OR4D1: variants seen among roughly 807,000 people sequenced by gnomAD.
The protein encoded by OR4D1 is olfactory receptor family 4 subfamily D member 1.
OR4D1 carries 10 observed loss-of-function variants against 14.2 expected under a neutral mutation model. That is an observed-to-expected ratio of 0.71 (90% CI 0.44 to 1.20). The LOEUF (loss-of-function observed/expected upper bound fraction) is 1.20, where lower values mean the gene tolerates loss of function less well. Ranked by LOEUF, OR4D1 falls within the 50% of genes most tolerant of loss-of-function variation. The probability of loss-of-function intolerance (pLI) is 0.00; values close to 1 mark genes in which losing one functional copy is unlikely to be tolerated. For missense variants in OR4D1, 345 were observed against 376.6 expected, an observed-to-expected ratio of 0.92 and a Z score of 0.70; for synonymous variants, 141 against 147.4, an observed-to-expected ratio of 0.96 and a Z score of 0.32.
chr17:58,153,613 A>T (rs1967728623), intron 2 of OR4D1, among the ~76,000 whole-genome samples: 1 of 152,090 alleles, frequency 6.6e-6, no homozygotes, highest in Non-Finnish European at 1.5e-5. Flanking sequence ...CTGCTACCCT[A>T]CCCATGTGCC....
chr17:58,155,847 G>A lies in OR4D1; in HGVS notation c.694G>A (p.Ala232Thr), dbSNP rs1396026581. ...GATGCTGAGGTCCCACTCGGGAAAGGCAAGGAGGAAGGCAGCTTCCACCTG... is the reference window on the plus strand; with the variant it reads ...GATGCTGAGGTCCCACTCGGGAAAGACAAGGAGGAAGGCAGCTTCCACCTG... The part of the protein sequence containing the change: ...LVMLRSHSGK[A>T]RRKAASTCTT... The change falls in exon 4 of 4, where the codon GCA becomes ACA. Residue 232 changes from alanine to threonine, a missense_variant. Physicochemically the swap from Ala to Thr is moderately conservative, Grantham distance 58. Transcript: ENST00000268912. 4.3e-6 allele frequency: 7 copies of A among 1,614,170 alleles called. No individual in the cohort carries two copies. The East Asian group carries it at 1.1e-4, about 26-fold the overall frequency.
Position 58,157,501 on chromosome 17 carries a change from C to A in OR4D1, c.*1415C>A, listed in dbSNP as rs768672359. 1 of 1,188,244 alleles carries A rather than the reference C, an allele frequency of 8.4e-7. No individual in the cohort carries two copies. The highest frequency in any genetic ancestry group is 1.3e-6 in the Non-Finnish European group (1 of 794,178). The allele number at this position is 1,188,244 out of a possible 1,614,324, so 73.6% of individuals were successfully genotyped here. A position where few individuals can be genotyped will look rare whatever the true frequency, so the allele number is the denominator to read the frequency against. ...GCAAGTTGCTCCAGAAACAGTACCT[C>A]TCCATTGCAGAGGGTGCGGACTTCT... On this transcript the variant is annotated 3_prime_UTR_variant, in exon 4 of 4. Coordinates refer to ENST00000268912, the MANE Select transcript of OR4D1 (RefSeq NM_001386095.1).
rs1251699939 is a variant in OR4D1, at chr17:58,159,254, C to T, written c.*3168C>T. ...TTAGCTGAAATGGCTTAAATATGGC[C>T]CCTTCAAAATTCAGGTATTGAAATT... On this transcript the variant is annotated 3_prime_UTR_variant, in exon 4 of 4. Transcript: ENST00000268912. 6.6e-6 allele frequency: 1 copy of T among 152,110 alleles called. No individual in the cohort carries two copies. Among genetic ancestry groups the T allele is most frequent in the Non-Finnish European group, 1.5e-5 (1 of 68,020 alleles). 9.4% of individuals were successfully genotyped at this position (152,110 alleles called of 1,614,324 possible). A position where few individuals can be genotyped will look rare whatever the true frequency, so the allele number is the denominator to read the frequency against.
rs1967795009 is a variant in OR4D1, at chr17:58,157,711, A to G, written c.*1625A>G. The G allele has an allele frequency of 1.2e-6, 2 of 1,613,682 alleles. No homozygotes were observed. Among genetic ancestry groups the G allele is most frequent in the East Asian group, 4.5e-5 (2 of 44,880 alleles). ...CCCTGCAGGCAGCGTCCATATACGCAGCATCCTACCCGTTCCATAGACCTG... is the reference window on the plus strand; with the variant it reads ...CCCTGCAGGCAGCGTCCATATACGCGGCATCCTACCCGTTCCATAGACCTG... On this transcript the variant is annotated 3_prime_UTR_variant, in exon 4 of 4. Coordinates refer to ENST00000268912, the MANE Select transcript of OR4D1 (RefSeq NM_001386095.1).
Position 58,159,047 on chromosome 17 carries a change from A to T in OR4D1, c.*2961A>T, listed in dbSNP as rs1262602052. ...AAGGGTGCCTTGTACAATTGTATAT[A>T]TTTTATTGAAGAGTTATTATATCTT... is the stretch of plus-strand genomic sequence containing the variant. On this transcript the variant is annotated 3_prime_UTR_variant, in exon 4 of 4. Transcript: ENST00000268912. 6.6e-6 allele frequency: 1 copy of T among 152,088 alleles called. No individual in the cohort carries two copies. The highest frequency in any genetic ancestry group is 2.4e-5 in the African/African-American group (1 of 41,396). The allele number at this position is 152,088 out of a possible 1,614,324, so 9.4% of individuals were successfully genotyped here.
rs746539541 is a variant in OR4D1, at chr17:58,156,867, T to A, written c.*781T>A. On this transcript the variant is annotated 3_prime_UTR_variant, in exon 4 of 4. Coordinates refer to ENST00000268912, the MANE Select transcript of OR4D1 (RefSeq NM_001386095.1). ...CATCTTAACTCTGGGACAGTTACAT[T>A]CTTTTCTGCTCCCCACCTCCCTGCC... 8.2e-6 allele frequency: 4 copies of A among 486,730 alleles called. No individual in the cohort carries two copies. Among genetic ancestry groups the A allele is most frequent in the Non-Finnish European group, 1.5e-5 (4 of 264,286 alleles). 30.2% of individuals were successfully genotyped at this position (486,730 alleles called of 1,614,324 possible). A position where few individuals can be genotyped will look rare whatever the true frequency, so the allele number is the denominator to read the frequency against.
Position 58,157,555 on chromosome 17 carries a change from G to A in OR4D1, c.*1469G>A. On this transcript the variant is annotated 3_prime_UTR_variant, in exon 4 of 4. Transcript: ENST00000268912. Reference sequence around the variant, plus strand: ...GCTCTCCGAACCTCACGGAGACTCAGGTCAAAATCTTGTTCCAGAACCGAA... The same window carrying A: ...GCTCTCCGAACCTCACGGAGACTCAAGTCAAAATCTTGTTCCAGAACCGAA... The A allele has an allele frequency of 6.5e-7, 1 of 1,544,754 alleles. No individual in the cohort carries two copies. The highest frequency in any genetic ancestry group is 9.0e-7 in the Non-Finnish European group (1 of 1,117,286).
Position 58,154,574 on chromosome 17 carries a change from TC to T in OR4D1, c.-19-560del, listed in dbSNP as rs141476841. Among the ~76,000 whole-genome samples, 1,154 of 152,278 alleles carry T rather than the reference TC, an allele frequency of 7.6e-3. 14 individuals carry two copies. The highest frequency in any genetic ancestry group is 0.026 in the African/African-American group (1,094 of 41,552). On this transcript the variant is annotated intron_variant, in intron 3 of 3. Transcript: ENST00000268912. Reference sequence around the variant, plus strand: ...ACCAAGATTATCTGCTTATTTTTCTTCACATTTACCTCTGATTTTGTACATA... The same window carrying T: ...ACCAAGATTATCTGCTTATTTTTCTTACATTTACCTCTGATTTTGTACATA...
At chr17:58,148,771 C>T (rs1469883446) in intron 1 of OR4D1, among the ~76,000 whole-genome samples, 187 bp downstream of exon 1, 1 of 152,096 alleles carries the variant, frequency 6.6e-6, no homozygotes, top group African/African-American at 2.4e-5. Context: ...ACACTGTTAT[C>T]TCCCCCGCCT....
chr17:58,152,374 C>G (rs1967713666), intron 2 of OR4D1, among the ~76,000 whole-genome samples: 1 of 152,178 alleles, frequency 6.6e-6, no homozygotes, highest in Non-Finnish European at 1.5e-5. Context: ...TAAAAATACC[C>G]AAATAATACA....
At chr17:58,152,155 C>T (rs1967711627) in intron 2 of OR4D1, among the ~76,000 whole-genome samples, 1 of 152,184 alleles carries the variant, frequency 6.6e-6, no homozygotes, top group Non-Finnish European at 1.5e-5. Context: ...CAGGTGCTTG[C>T]CACCACGCCT....
Position 58,156,968 on chromosome 17 carries a change from G to T in OR4D1, c.*882G>T, listed in dbSNP as rs1967782975. On this transcript the variant is annotated 3_prime_UTR_variant, in exon 4 of 4. Coordinates refer to ENST00000268912, the MANE Select transcript of OR4D1 (RefSeq NM_001386095.1). The stretch of plus-strand genomic sequence containing the variant: ...CACAAAAAAAGTTTGAGTCGCCGCT[G>T]CGGGTTGCTAGCGGAGTCGCGCGTC... The T allele has an allele frequency of 1.4e-6, 1 of 704,650 alleles. No individual in the cohort carries two copies. Among genetic ancestry groups the T allele is most frequent in the Non-Finnish European group, 2.5e-6 (1 of 398,018 alleles). The allele number at this position is 704,650 out of a possible 1,614,324, so 43.6% of individuals were successfully genotyped here.
rs186173688 is a variant in OR4D1, at chr17:58,157,198, C to T, written c.*1112C>T. On this transcript the variant is annotated 3_prime_UTR_variant, in exon 4 of 4. Coordinates refer to ENST00000268912, the MANE Select transcript of OR4D1 (RefSeq NM_001386095.1). Reference sequence around the variant, plus strand: ...CCCAAGGAGGCATCCCCAGTGCCGGCCAAAAGCGCCTCTTCCGGGGCCACC... The same window carrying T: ...CCCAAGGAGGCATCCCCAGTGCCGGTCAAAAGCGCCTCTTCCGGGGCCACC... 2.1e-3 allele frequency: 3,080 copies of T among 1,460,728 alleles called. 3 individuals carry two copies. The highest frequency in any genetic ancestry group is 6.0e-3 in the Admixed American group (226 of 37,406). The allele number at this position is 1,460,728 out of a possible 1,614,324, so 90.5% of individuals were successfully genotyped here.
Position 58,157,834 on chromosome 17 carries a change from G to A in OR4D1, c.*1748G>A. 1 of 1,584,658 alleles carries A rather than the reference G, an allele frequency of 6.3e-7. No individual in the cohort carries two copies. The highest frequency in any genetic ancestry group is 1.1e-5 in the South Asian group (1 of 90,650). On this transcript the variant is annotated 3_prime_UTR_variant, in exon 4 of 4. Coordinates refer to ENST00000268912, the MANE Select transcript of OR4D1 (RefSeq NM_001386095.1). The stretch of plus-strand genomic sequence containing the variant: ...GACCAGATCAATAGACTCCATGATG[G>A]ATGTTTGTTTCAAAGGGTTTCCTCT...
Position 58,155,509 on chromosome 17 carries a change from C to T in OR4D1, c.356C>T (p.Ala119Val), listed in dbSNP as rs746168074. ...GGTVFFLSVM[A>V]YDRYIAISQP... is the part of the protein sequence containing the mutation. ...ACTGTCTTTTTTCTCTCAGTCATGG[C>T]CTATGACCGCTACATAGCCATCTCC... is the stretch of plus-strand genomic sequence containing the variant. Residue 119 changes from alanine (A) to valine (V), a missense_variant, in exon 4 of 4, where the codon GCC (alanine) becomes GTC (valine). Coordinates refer to ENST00000268912, the MANE Select transcript of OR4D1 (RefSeq NM_001386095.1). 3.1e-6 allele frequency: 5 copies of T among 1,613,974 alleles called. No individual in the cohort carries two copies. The highest frequency in any genetic ancestry group is 4.2e-6 in the Non-Finnish European group (5 of 1,179,970).
chr17:58,155,231 CCTGTTCCTT>C lies in OR4D1; in HGVS notation c.87_95del (p.Phe31_Leu33del). ...CACAGACCCAAGAGCTCCAGAAATT[CCTGTTCCTT>C]CTGTTCCTGTTAGTCTATGTTACCA... On this transcript the variant is annotated inframe_deletion, in exon 4 of 4. Transcript: ENST00000268912. 6.2e-7 allele frequency: 1 copy of C among 1,614,126 alleles called. No individual in the cohort carries two copies.
chr17:58,159,084 A>C lies in OR4D1; in HGVS notation c.*2998A>C, dbSNP rs1394663700. The C allele has an allele frequency of 6.6e-6, 1 of 152,202 alleles. No individual in the cohort carries two copies. Among genetic ancestry groups the C allele is most frequent in the Non-Finnish European group, 1.5e-5 (1 of 68,040 alleles). The allele number at this position is 152,202 out of a possible 1,614,324, so 9.4% of individuals were successfully genotyped here. A position where few individuals can be genotyped will look rare whatever the true frequency, so the allele number is the denominator to read the frequency against. ...AGTTATTATATCTTATTCTGAATTA[A>C]ATTAAACATGTTTTATTGCAAAAAA... On this transcript the variant is annotated 3_prime_UTR_variant, in exon 4 of 4. Coordinates refer to ENST00000268912, the MANE Select transcript of OR4D1 (RefSeq NM_001386095.1).
At position 58,157,516 on chromosome 17, in the gene OR4D1, T is replaced by G. The variant is rs1967792202; in HGVS notation, c.*1430T>G. The G allele has an allele frequency of 2.4e-6, 3 of 1,270,720 alleles. No homozygotes were observed. In the Admixed American group the frequency reaches 5.1e-5, roughly 22 times the overall value. 78.7% of individuals were successfully genotyped at this position (1,270,720 alleles called of 1,614,324 possible). A position where few individuals can be genotyped will look rare whatever the true frequency, so the allele number is the denominator to read the frequency against. ...AACAGTACCTCTCCATTGCAGAGGG[T>G]GCGGACTTCTCCAGCTCTCCGAACC... On this transcript the variant is annotated 3_prime_UTR_variant, in exon 4 of 4. Transcript: ENST00000268912.
At position 58,149,754 on chromosome 17, in the gene OR4D1, G is replaced by A. The variant is rs1967678846; in HGVS notation, c.-169G>A. The A allele has an allele frequency of 6.6e-6, 1 of 152,304 alleles. No individual in the cohort carries two copies. The highest frequency in any genetic ancestry group is 1.5e-5 in the Non-Finnish European group (1 of 68,118). 9.4% of individuals were successfully genotyped at this position (152,304 alleles called of 1,614,324 possible). On this transcript the variant is annotated 5_prime_UTR_variant, in exon 2 of 4. Transcript: ENST00000268912. Reference sequence around the variant, plus strand: ...CACTGAGACCTGAGGGACCGAAGAAGAGATAAGTTTGGCTGAAGCTGAATC... The same window carrying A: ...CACTGAGACCTGAGGGACCGAAGAAAAGATAAGTTTGGCTGAAGCTGAATC...
Sources: gnomAD v4.1 joint callset for allele counts (sites outside exome capture counted in the v4.1 genomes callset) on GRCh38, gnomAD v4.1.1 for gene constraint, MANE v1.5 for transcripts, NCBI Gene and HGNC (gene_info 2026-07-23, HGNC 2026-07-21) for gene names.